OXNAD1: variants seen among roughly 807,000 people sequenced by gnomAD.
The protein encoded by OXNAD1 is oxidoreductase NAD binding domain containing 1.
OXNAD1 carries 34 observed loss-of-function variants against 32.9 expected under a neutral mutation model. That is an observed-to-expected ratio of 1.03 (90% CI 0.79 to 1.38). OXNAD1 has a LOEUF of 1.38. Among genes scored for constraint, OXNAD1 ranks in the 40% most tolerant of loss-of-function variants. OXNAD1 has a pLI of 0.00. For synonymous variants in OXNAD1, 134 were observed against 135.2 expected (o/e 0.99, Z 0.06); for missense variants, 407 against 379.4 (o/e 1.07, Z -0.60).
intron 5 of OXNAD1, among the ~76,000 whole-genome samples, 156 bp from the exon 6 acceptor site, chr3:16,294,700 C>CT (rs1353372807): frequency 6.6e-6 from 1 of 152,032 alleles, no homozygotes; most frequent in Non-Finnish European, 1.5e-5. Context: ...CTTTATAATT[C>CT]TTTTTATTTC....
rs1410188090 is a variant in OXNAD1 at position 16,271,173 on chromosome 3, C to T, written c.119+102C>T. On this transcript the variant is annotated intron_variant, in intron 3 of 8. Transcript: ENST00000285083. This position sits in a 1 kb window ranked among gnomAD's most constrained non-coding sequence, Gnocchi z 4.6. ...TATCAAACTCCCGGAAAGGTAACAC[C>T]TTAGCTTCAATGTGCATGCTGTCAG... is the stretch of plus-strand genomic sequence containing the variant. 7.3e-7 allele frequency: 1 copy of T among 1,365,256 alleles called. No individual in the cohort carries two copies. Among genetic ancestry groups the T allele is most frequent in the Non-Finnish European group, 1.0e-6 (1 of 993,552 alleles). The allele number at this position is 1,365,256 out of a possible 1,614,324, so 84.6% of individuals were successfully genotyped here.
At chr3:16,331,280 C>T (rs569386052) in intron 9 of OXNAD1, among the ~76,000 whole-genome samples, 1 of 152,324 alleles carries the variant, frequency 6.6e-6, no homozygotes, top group Admixed American at 6.5e-5. Context: ...TTATACTACT[C>T]TTATTTTACT....
In OXNAD1 at chr3:16,316,630, C is replaced by T; in HGVS notation, c.*30+13038C>T. ...TCTAACACTGGGTCATTAATGACAC[C>T]TTTCCAGTGGATGTGCAAAAACCAA... On this transcript the variant is annotated intron_variant, in intron 9 of 9. Coordinates refer to the OXNAD1 transcript ENST00000435829. The surrounding 1 kb of genome is among the most constrained non-coding windows in gnomAD (Gnocchi z 4.5). 1.5e-6 allele frequency: 1 copy of T among 674,682 alleles called. No individual in the cohort carries two copies. The highest frequency in any genetic ancestry group is 2.6e-6 in the Non-Finnish European group (1 of 381,722). 41.8% of individuals were successfully genotyped at this position (674,682 alleles called of 1,614,324 possible).
In OXNAD1 at chr3:16,302,781, A is replaced by C. The variant is rs374350928; in HGVS notation, c.784+33A>C. 8.8e-5 allele frequency: 133 copies of C among 1,503,404 alleles called. No homozygotes were observed. The highest frequency in any genetic ancestry group is 1.1e-4 in the Non-Finnish European group (118 of 1,084,714). 93.1% of individuals were successfully genotyped at this position (1,503,404 alleles called of 1,614,324 possible). A position where few individuals can be genotyped will look rare whatever the true frequency, so the allele number is the denominator to read the frequency against. On this transcript the variant is annotated intron_variant, in intron 8 of 8. Transcript: ENST00000285083. This position sits in a 1 kb window ranked among gnomAD's most constrained non-coding sequence, Gnocchi z 4.2. The stretch of plus-strand genomic sequence containing the variant: ...CCCTAAAGATATTTTGACTATCTCC[A>C]TGCAGTTATTTGATGGACACACCAG...
chr3:16,267,929 A>G (rs2064646450), intron 1 of OXNAD1, among the ~76,000 whole-genome samples: 2 of 152,222 alleles, frequency 1.3e-5, no homozygotes, highest in African/African-American at 4.8e-5. Context: ...GTTTTACTAC[A>G]TATTTAATGG....
rs1165936464 is a variant in OXNAD1 at position 16,280,884 on chromosome 3, G to A, written c.184-5458G>A. ...ATGTGTTGTTATTTTACTGAACACT[G>A]GAAAAGCATAAATGTTGTTTTATGG... On this transcript the variant is annotated intron_variant, in intron 4 of 8. Transcript: ENST00000285083. The surrounding 1 kb of genome is among the most constrained non-coding windows in gnomAD (Gnocchi z 4.5). Among the ~76,000 whole-genome samples, 1 of 152,186 alleles carries A rather than the reference G, an allele frequency of 6.6e-6. No individual in the cohort carries two copies. Among genetic ancestry groups the A allele is most frequent in the East Asian group, 1.9e-4 (1 of 5,202 alleles).
At chr3:16,285,758 A>G (rs937129310) in intron 4 of OXNAD1, among the ~76,000 whole-genome samples, 8 of 152,238 alleles carry the variant, frequency 5.3e-5, no homozygotes, top group Non-Finnish European at 7.3e-5. Flanking sequence ...ATGAATTTGA[A>G]AATTAATTAA....
chr3:16,278,594 T>C (rs1566973), intron 4 of OXNAD1, among the ~76,000 whole-genome samples: 60,619 of 152,060 alleles, frequency 0.4, 12,420 homozygotes, highest in South Asian at 0.53. Flanking sequence ...AATTATATTG[T>C]TGTCCTAAGT....
Position 16,303,390 on chromosome 3 carries a change from T to A in OXNAD1, c.785-18T>A. On this transcript the variant is annotated intron_variant, in intron 8 of 8. Transcript: ENST00000285083. This position sits in a 1 kb window ranked among gnomAD's most constrained non-coding sequence, Gnocchi z 4.8. ...ACCATGTCTGGCTTAATTTGGTGTT[T>A]ATTCTGGTTTTTGGTAGAAGGAAGA... 1 of 1,612,838 alleles carries A rather than the reference T, an allele frequency of 6.2e-7. No homozygotes were observed. The highest frequency in any genetic ancestry group is 8.5e-7 in the Non-Finnish European group (1 of 1,179,316).
Position 16,327,762 on chromosome 3 carries a change from A to C in OXNAD1, c.*31-9350A>C, listed in dbSNP as rs1435426074. On this transcript the variant is annotated intron_variant, in intron 9 of 9. Transcript: ENST00000435829. This position sits in a 1 kb window ranked among gnomAD's most constrained non-coding sequence, Gnocchi z 4.2. ...GGTGACAGAGCGGGATTCCCATCTC[A>C]AAAAAAAAAACAAAACGAAAAAAAC... Among the ~76,000 whole-genome samples the C allele has an allele frequency of 3.2e-5, 1 of 30,886 alleles. No homozygotes were observed. Among genetic ancestry groups the C allele is most frequent in the Non-Finnish European group, 8.2e-5 (1 of 12,176 alleles). The allele number at this position is 30,886 out of a possible 152,430, so 20.3% of individuals were successfully genotyped here.
In OXNAD1 at chr3:16,327,462, T is replaced by TA. The variant is rs1263064188; in HGVS notation, c.*31-9644dup. ...GGGGAACTAACATTTGTCTTTCAGT[T>TA]AAAAAACTCAGCCCCGGCCGGGTGC... On this transcript the variant is annotated intron_variant, in intron 9 of 9. Coordinates refer to the OXNAD1 transcript ENST00000435829. The surrounding 1 kb of genome is among the most constrained non-coding windows in gnomAD (Gnocchi z 4.2). Among the ~76,000 whole-genome samples the TA allele has an allele frequency of 3.3e-5, 5 of 152,084 alleles. No homozygotes were observed. Among genetic ancestry groups the TA allele is most frequent in the African/African-American group, 1.2e-4 (5 of 41,412 alleles).
At chr3:16,342,137 A>T (rs1323008402), downstream of OXNAD1, among the ~76,000 whole-genome samples, 1 of 152,160 alleles carries the variant, frequency 6.6e-6, no homozygotes, top group African/African-American at 2.4e-5. The surrounding 1 kb of genome is among the most constrained non-coding windows in gnomAD (Gnocchi z 4.0). Flanking sequence ...ACCACAATCT[A>T]AGTTTAGACC....
At chr3:16,291,316 A>C (rs1224641509) in intron 5 of OXNAD1, among the ~76,000 whole-genome samples, 1 of 152,230 alleles carries the variant, frequency 6.6e-6, no homozygotes, top group Non-Finnish European at 1.5e-5. Context: ...TGTACAATTC[A>C]GAGGTTTTAG....
rs754162923 is a variant in OXNAD1 at position 16,271,037 on chromosome 3, A to T, written c.85A>T (p.Thr29Ser). The change falls in exon 3 of 9, where the codon ACA becomes TCA. Residue 29 changes from threonine to serine, a missense_variant. Thr to Ser is a moderately conservative substitution (Grantham distance 58, BLOSUM62 1). Transcript: ENST00000285083. The surrounding 1 kb of genome is among the most constrained non-coding windows in gnomAD (Gnocchi z 4.6). ...TATTGAGGCTGCGTCACTGAGATTG[A>T]CACTCAGCACTTTGCGCCACCTTAC... is the stretch of plus-strand genomic sequence containing the variant. ...IRIEAASLRL[T>S]LSTLRHLTLT... The T allele has an allele frequency of 6.2e-7, 1 of 1,614,148 alleles. No individual in the cohort carries two copies. The highest frequency in any genetic ancestry group is 8.5e-7 in the Non-Finnish European group (1 of 1,180,034).
rs939885097 is a variant in OXNAD1 at position 16,346,748 on chromosome 3, C to T, written c.*31-2428C>T. Among the ~76,000 whole-genome samples the T allele has an allele frequency of 4.6e-5, 7 of 152,262 alleles. No homozygotes were observed. The highest frequency in any genetic ancestry group is 1.7e-4 in the African/African-American group (7 of 41,552). ...GGGACGTGTGGCAGGAAAAAACTGC[C>T]CCGTTCTTCACGGTTGTCATCACAT... On this transcript the variant is annotated intron_variant, in intron 9 of 9. Coordinates refer to the OXNAD1 transcript ENST00000606098. This position sits in a 1 kb window ranked among gnomAD's most constrained non-coding sequence, Gnocchi z 4.4.
chr3:16,273,797 A>G (rs1221917813), intron 4 of OXNAD1, among the ~76,000 whole-genome samples: 1 of 152,220 alleles, frequency 6.6e-6, no homozygotes, highest in African/African-American at 2.4e-5. Flanking sequence ...GCCAATTCTA[A>G]GGAAACATAT....
Position 16,271,348 on chromosome 3 carries a change from C to T in OXNAD1, c.119+277C>T, listed in dbSNP as rs1221137360. Among the ~76,000 whole-genome samples, 2 of 152,098 alleles carry T rather than the reference C, an allele frequency of 1.3e-5. No homozygotes were observed. Among genetic ancestry groups the T allele is most frequent in the East Asian group, 1.9e-4 (1 of 5,186 alleles). The stretch of plus-strand genomic sequence containing the variant: ...CCTCCCGAGTAGCTGGGATTACAGG[C>T]GTGCACCACCACACCTAGCTAATTT... On this transcript the variant is annotated intron_variant, in intron 3 of 8. Coordinates refer to ENST00000285083, the MANE Select transcript of OXNAD1 (RefSeq NM_138381.5). This position sits in a 1 kb window ranked among gnomAD's most constrained non-coding sequence, Gnocchi z 4.6.
rs1575207349 is a variant in OXNAD1 at position 16,316,639 on chromosome 3, G to A, written c.*30+13047G>A. On this transcript the variant is annotated intron_variant, in intron 9 of 9. Coordinates refer to the OXNAD1 transcript ENST00000435829. The surrounding 1 kb of genome is among the most constrained non-coding windows in gnomAD (Gnocchi z 4.5). The stretch of plus-strand genomic sequence containing the variant: ...GGGTCATTAATGACACCTTTCCAGT[G>A]GATGTGCAAAAACCAACACTGTCAG... The A allele has an allele frequency of 1.5e-6, 1 of 685,452 alleles. No homozygotes were observed. The highest frequency in any genetic ancestry group is 1.7e-5 in the South Asian group (1 of 58,054). The allele number at this position is 685,452 out of a possible 1,614,324, so 42.5% of individuals were successfully genotyped here.
At position 16,314,262 on chromosome 3, in the gene OXNAD1, G is replaced by A. The variant is rs896883020; in HGVS notation, c.*30+10670G>A. Among the ~76,000 whole-genome samples the A allele has an allele frequency of 2.0e-5, 3 of 152,180 alleles. No homozygotes were observed. Among genetic ancestry groups the A allele is most frequent in the Non-Finnish European group, 2.9e-5 (2 of 68,028 alleles). ...TTTTTACCCTATTGGCAATCACAGG[G>A]AACTTAACATTTCCTTCAGAAATGC... On this transcript the variant is annotated intron_variant, in intron 9 of 9. Coordinates refer to the OXNAD1 transcript ENST00000435829. This position sits in a 1 kb window ranked among gnomAD's most constrained non-coding sequence, Gnocchi z 4.4.
Sources: allele counts gnomAD v4.1 joint callset (sites outside exome capture counted in the v4.1 genomes callset), GRCh38; gene constraint gnomAD v4.1.1; non-coding constraint Gnocchi (gnomAD v3.1); transcripts MANE v1.5; gene names NCBI Gene and HGNC (gene_info 2026-07-23, HGNC 2026-07-21).